OLA1: variants seen among roughly 807,000 people sequenced by gnomAD.
The protein encoded by OLA1 is Obg like ATPase 1.
A neutral mutation model predicts 48.4 loss-of-function variants in OLA1; 14 were observed. The ratio of observed to expected loss-of-function variants is 0.29; its 90% CI spans 0.19 to 0.45. The LOEUF is 0.45. Ranked by LOEUF, OLA1 falls within the 20% of genes least tolerant of loss-of-function variation. The pLI, the probability that OLA1 is intolerant of heterozygous loss-of-function variation, is 1.00. For synonymous variants in OLA1, 127 were observed against 150.4 expected (o/e 0.84, Z 1.14); for missense variants, 325 against 467.1 (o/e 0.70, Z 2.80).
At position 174,074,268 on chromosome 2, in the gene OLA1, G is replaced by GACAAGC. The variant is rs1178497008; in HGVS notation, c.*1157_*1158insGCTTGT. On this transcript the variant is annotated 3_prime_UTR_variant, in exon 11 of 11. Transcript: ENST00000284719. Reference sequence around the variant, plus strand: ...CAAAAGGGCAGAGGACAAGGACAAGGAAGGGAGGTCTCACAGGAATGGAAA... The same window carrying GACAAGC: ...CAAAAGGGCAGAGGACAAGGACAAGGACAAGCAAGGGAGGTCTCACAGGAATGGAAA... 2.0e-5 allele frequency: 3 copies of GACAAGC among 152,246 alleles called. No individual in the cohort carries two copies. The highest frequency in any genetic ancestry group is 7.2e-5 in the African/African-American group (3 of 41,434). The allele number at this position is 152,246 out of a possible 1,614,324, so 9.4% of individuals were successfully genotyped here.
chr2:174,220,523 T>C (rs560063102), intron 4 of OLA1, among the ~76,000 whole-genome samples: 1 of 152,312 alleles, frequency 6.6e-6, no homozygotes, highest in East Asian at 1.9e-4. Context: ...CTCCACTGTA[T>C]TATAAGCTCA....
At chr2:174,180,122 C>T (rs1028678647) in intron 4 of OLA1, among the ~76,000 whole-genome samples, 4 of 152,054 alleles carry the variant, frequency 2.6e-5, no homozygotes, top group Non-Finnish European at 5.9e-5. Flanking sequence ...CTGAAAACAG[C>T]AGTTACTAGC....
chr2:174,235,090 C>G (rs1480790669), intron 2 of OLA1, among the ~76,000 whole-genome samples: 2 of 152,094 alleles, frequency 1.3e-5, no homozygotes, highest in Non-Finnish European at 2.9e-5. Flanking sequence ...ACCCAGGAGG[C>G]AGAGGTTGCA....
chr2:174,094,508 A>G (rs1373745344), intron 7 of OLA1, among the ~76,000 whole-genome samples: 1 of 152,216 alleles, frequency 6.6e-6, no homozygotes, highest in Admixed American at 6.5e-5. Context: ...CGCAGGGCTT[A>G]ACCTCCCCTC....
chr2:174,119,024 C>A (rs1010897735), intron 7 of OLA1, among the ~76,000 whole-genome samples: 3 of 151,054 alleles, frequency 2.0e-5, no homozygotes, highest in Non-Finnish European at 4.4e-5. Context: ...TTAATGAAAA[C>A]CAAATAGGAA....
intron 4 of OLA1, among the ~76,000 whole-genome samples, chr2:174,188,313 C>T (rs111732316): frequency 1.7e-3 from 260 of 152,120 alleles, no homozygotes; most frequent in African/African-American, 5.9e-3. Flanking sequence ...TGTCTCCTCA[C>T]GCCTACAAAA....
At chr2:174,092,163 A>G in intron 7 of OLA1, among the ~76,000 whole-genome samples, 1 of 151,326 alleles carries the variant, frequency 6.6e-6, no homozygotes. Context: ...AAAAGAAAAA[A>G]GGAAAGGAGA....
intron 4 of OLA1, among the ~76,000 whole-genome samples, chr2:174,179,245 T>C (rs955994670): frequency 6.6e-6 from 1 of 151,570 alleles, no homozygotes; most frequent in Non-Finnish European, 1.5e-5. Flanking sequence ...TACAATTTTA[T>C]GGTTACAGTT....
At chr2:174,128,310 G>C (rs1416544077) in intron 5 of OLA1, among the ~76,000 whole-genome samples, 3 of 151,894 alleles carry the variant, frequency 2.0e-5, no homozygotes, top group Non-Finnish European at 4.4e-5. Flanking sequence ...TGAGGTTGAG[G>C]GGGGTATTGC....
In OLA1 at chr2:174,073,638, A is replaced by G. The variant is rs1684657979; in HGVS notation, c.*1788T>C. The G allele has an allele frequency of 6.6e-6, 1 of 152,230 alleles. No homozygotes were observed. The highest frequency in any genetic ancestry group is 2.1e-4 in the South Asian group (1 of 4,834). 9.4% of individuals were successfully genotyped at this position (152,230 alleles called of 1,614,324 possible). On this transcript the variant is annotated 3_prime_UTR_variant, in exon 11 of 11. Coordinates refer to ENST00000284719, the MANE Select transcript of OLA1 (RefSeq NM_013341.5). ...CACAATGTGCAATTTACCACATTAG[A>G]AGCTAGACAAAGTAAAATTGCATGA...
chr2:174,232,443 C>T (rs1320598512), intron 2 of OLA1, among the ~76,000 whole-genome samples: 1 of 151,922 alleles, frequency 6.6e-6, no homozygotes, highest in Non-Finnish European at 1.5e-5. Flanking sequence ...GAAATAAATG[C>T]CAATCCATGT....
intron 4 of OLA1, among the ~76,000 whole-genome samples, chr2:174,154,243 T>C (rs1686817257): frequency 6.6e-6 from 1 of 152,220 alleles, no homozygotes; most frequent in Non-Finnish European, 1.5e-5. Flanking sequence ...CTGTTGTATT[T>C]ACCCTTTGCA....
chr2:174,213,494 GAA>G (rs149626018), intron 4 of OLA1, among the ~76,000 whole-genome samples: 1 of 145,206 alleles, frequency 6.9e-6, no homozygotes, highest in Middle Eastern at 3.3e-3. Flanking sequence ...TGTGTCAAAA[GAA>G]AAAAAAAAGG....
chr2:174,178,239 A>T (rs1442730004), intron 4 of OLA1, among the ~76,000 whole-genome samples: 1 of 152,066 alleles, frequency 6.6e-6, no homozygotes, highest in African/African-American at 2.4e-5. Flanking sequence ...CATTTATTTC[A>T]GTATTTATTA....
chr2:174,166,616 G>T (rs10189011), intron 4 of OLA1, among the ~76,000 whole-genome samples: 1 of 151,874 alleles, frequency 6.6e-6, no homozygotes, highest in East Asian at 1.9e-4. Flanking sequence ...ACTATAGCAC[G>T]GTGCAATAGT....
chr2:174,146,576 TAG>T (rs1326029699), intron 4 of OLA1, among the ~76,000 whole-genome samples: 1 of 152,174 alleles, frequency 6.6e-6, no homozygotes, highest in African/African-American at 2.4e-5. Flanking sequence ...TGACATCACC[TAG>T]AGAGAGCACT....
intron 2 of OLA1, among the ~76,000 whole-genome samples, chr2:174,239,351 C>T (rs1161785982): frequency 6.6e-6 from 1 of 152,084 alleles, no homozygotes; most frequent in Non-Finnish European, 1.5e-5. Flanking sequence ...GTTAATATCA[C>T]CAAAAATGGA....
At chr2:174,111,209 C>T (rs1360109728) in intron 7 of OLA1, among the ~76,000 whole-genome samples, 1 of 152,120 alleles carries the variant, frequency 6.6e-6, no homozygotes, top group African/African-American at 2.4e-5. Context: ...TTGAGTCATG[C>T]TTACACAAAA....
chr2:174,084,219 C>T (rs1684918482), intron 7 of OLA1, among the ~76,000 whole-genome samples: 1 of 152,184 alleles, frequency 6.6e-6, no homozygotes, highest in African/African-American at 2.4e-5. Flanking sequence ...AATGCAGAAG[C>T]AGAGCTGGTA....
Sources: allele counts gnomAD v4.1 joint callset (sites outside exome capture counted in the v4.1 genomes callset), GRCh38; gene constraint gnomAD v4.1.1; transcripts MANE v1.5; gene names NCBI Gene and HGNC (gene_info 2026-07-23, HGNC 2026-07-21).